Variants in RBM47 observed in about 807,000 individuals in gnomAD.
RBM47 encodes the protein RNA-binding protein 47.
In RBM47, 21 loss-of-function variants were observed where a neutral mutation model predicts 47.1. The ratio of observed to expected loss-of-function variants is 0.45; its 90% CI spans 0.32 to 0.64. The LOEUF is 0.64. Among genes scored for constraint, RBM47 ranks in the 30% least tolerant of loss-of-function variants. The pLI is 0.05. For missense variants in RBM47, 708 were observed against 870.9 expected (o/e 0.81, Z 2.35); for synonymous variants, 375 against 361.7 (o/e 1.04, Z -0.42).
chr4:40,531,091 T>A (rs1727343304), intron 2 of RBM47, among the ~76,000 whole-genome samples: 1 of 152,076 alleles, frequency 6.6e-6, no homozygotes, highest in Non-Finnish European at 1.5e-5. Flanking sequence ...AGAGTAAGAC[T>A]CTGGAATAAA....
chr4:40,516,742 G>T (rs1199776080), intron 2 of RBM47, among the ~76,000 whole-genome samples: 1 of 152,188 alleles, frequency 6.6e-6, no homozygotes, highest in African/African-American at 2.4e-5. Context: ...TGACAGCCCA[G>T]GATTTCCCTT....
intron 2 of RBM47, among the ~76,000 whole-genome samples, chr4:40,533,423 G>C (rs187853467): frequency 2.3e-3 from 312 of 138,652 alleles, no homozygotes; most frequent in African/African-American, 7.8e-3. Context: ...AACAGAGCAA[G>C]ACTCTGTCTC....
At chr4:40,592,123 A>T (rs1026814906) in intron 1 of RBM47, among the ~76,000 whole-genome samples, 1 of 152,206 alleles carries the variant, frequency 6.6e-6, no homozygotes, top group South Asian at 2.1e-4. Flanking sequence ...TCAGATTTCA[A>T]ATGCAGAATC....
At chr4:40,601,723 G>A (rs1459699539) in intron 1 of RBM47, among the ~76,000 whole-genome samples, 1 of 152,168 alleles carries the variant, frequency 6.6e-6, no homozygotes, top group African/African-American at 2.4e-5. Context: ...CACTCTTCCC[G>A]CACTGGCCTC....
chr4:40,620,194 T>TG (rs1350441723), intron 1 of RBM47, among the ~76,000 whole-genome samples: 1 of 70,808 alleles, frequency 1.4e-5, no homozygotes, highest in Non-Finnish European at 2.5e-5. Context: ...AGACTCAGTA[T>TG]GAAAAAAAAA....
rs759237817 is a variant in RBM47 at position 40,423,674 on chromosome 4, TTC to T, written c.*2228_*2229del. The T allele has an allele frequency of 9.7e-6, 1 of 102,738 alleles. No homozygotes were observed. The highest frequency in any genetic ancestry group is 3.3e-4 in the East Asian group (1 of 3,006). The allele number at this position is 102,738 out of a possible 1,614,324, so 6.4% of individuals were successfully genotyped here. ...TCTTTTTCTTTCTTTCTTTCTTTCT[TTC>T]TTTCTTTCTTTCTTTCTTTCTTTCT... On this transcript the variant is annotated 3_prime_UTR_variant, in exon 7 of 7. Transcript: ENST00000295971.
chr4:40,563,428 G>A (rs1730816885), intron 1 of RBM47, among the ~76,000 whole-genome samples: 1 of 105,622 alleles, frequency 9.5e-6, no homozygotes, highest in Admixed American at 8.3e-5. Context: ...CAAACTCTGT[G>A]CTTGTATTAT....
intron 3 of RBM47, among the ~76,000 whole-genome samples, chr4:40,464,561 C>T (rs576100611): frequency 1.1e-4 from 16 of 151,922 alleles, no homozygotes; most frequent in African/African-American, 3.1e-4. Context: ...TAACTGAAAC[C>T]GAGAAAAGTG....
rs761539130 is a variant in RBM47, at chr4:40,592,573, C to A, written c.-240+36823G>T. On this transcript the variant is annotated intron_variant, in intron 1 of 6. Coordinates refer to ENST00000295971, the MANE Select transcript of RBM47 (RefSeq NM_001098634.2). Reference sequence around the variant, plus strand: ...CCATGTAGCTAGGATTACAGGCATGCGACACCATGCACGCCGAATTTTGTA... The same window carrying A: ...CCATGTAGCTAGGATTACAGGCATGAGACACCATGCACGCCGAATTTTGTA... Among the ~76,000 whole-genome samples, 35 of 151,698 alleles carry A rather than the reference C, an allele frequency of 2.3e-4. 1 individual carries two copies. The highest frequency in any genetic ancestry group is 3.4e-3 in the Middle Eastern group (1 of 294).
chr4:40,538,703 C>A (rs925004037), intron 2 of RBM47, among the ~76,000 whole-genome samples: 2 of 152,010 alleles, frequency 1.3e-5, no homozygotes, highest in Admixed American at 6.6e-5. Flanking sequence ...GTGGCACAAT[C>A]TTGGTTCACT....
chr4:40,625,997 C>A lies in RBM47; in HGVS notation c.-240+3399G>T, dbSNP rs552158203. ...TTTTGATTTCTAAAATGACTCCACTCTAAAAGCTTTGATAGGGTGCACCAA... is the reference window on the plus strand; with the variant it reads ...TTTTGATTTCTAAAATGACTCCACTATAAAAGCTTTGATAGGGTGCACCAA... On this transcript the variant is annotated intron_variant, in intron 1 of 6. Transcript: ENST00000295971. Among the ~76,000 whole-genome samples, 235 of 152,278 alleles carry A rather than the reference C, an allele frequency of 1.5e-3. 2 individuals are homozygous for A. Among genetic ancestry groups the A allele is most frequent in the Middle Eastern group, 3.4e-3 (1 of 294 alleles).
intron 2 of RBM47, among the ~76,000 whole-genome samples, chr4:40,471,954 C>T (rs1379066552): frequency 6.6e-6 from 1 of 152,122 alleles, no homozygotes; most frequent in African/African-American, 2.4e-5. Context: ...TCCTGCAGCC[C>T]CCTGTGATAT....
intron 2 of RBM47, among the ~76,000 whole-genome samples, chr4:40,470,579 C>T (rs567130174): frequency 4.6e-5 from 7 of 152,258 alleles, no homozygotes; most frequent in Middle Eastern, 3.4e-3. Flanking sequence ...ACATAAAACA[C>T]TTGAAATTAA....
rs1164869040 is a variant in RBM47, at chr4:40,423,646, CTTTCTT to C, written c.*2252_*2257del. The stretch of plus-strand genomic sequence containing the variant: ...ATGTTATCATTTTTTTTTATTCTTT[CTTTCTT>C]TTTCTTTCTTTCTTTCTTTCTTTCT... On this transcript the variant is annotated 3_prime_UTR_variant, in exon 7 of 7. Transcript: ENST00000295971. 1 of 142,554 alleles carries C rather than the reference CTTTCTT, an allele frequency of 7.0e-6. No homozygotes were observed. Among genetic ancestry groups the C allele is most frequent in the Non-Finnish European group, 1.5e-5 (1 of 65,448 alleles). The allele number at this position is 142,554 out of a possible 1,614,324, so 8.8% of individuals were successfully genotyped here.
chr4:40,590,329 A>T (rs1236073928), intron 1 of RBM47, among the ~76,000 whole-genome samples: 2 of 151,934 alleles, frequency 1.3e-5, no homozygotes, highest in African/African-American at 2.4e-5. Context: ...CAGAAATTTG[A>T]GGTGACGGCA....
At chr4:40,617,452 G>C (rs930231182) in intron 1 of RBM47, among the ~76,000 whole-genome samples, 1 of 151,858 alleles carries the variant, frequency 6.6e-6, no homozygotes, top group Non-Finnish European at 1.5e-5. Flanking sequence ...TCAGCTACTC[G>C]GGAGGCTGAG....
At chr4:40,546,999 A>G (rs1729099885) in intron 1 of RBM47, among the ~76,000 whole-genome samples, 1 of 152,230 alleles carries the variant, frequency 6.6e-6, no homozygotes, top group African/African-American at 2.4e-5. Context: ...TGAATATGGT[A>G]CCAAGATCAA....
rs1451415960 is a variant in RBM47 at position 40,629,489 on chromosome 4, A to G, written c.-333T>C. The G allele has an allele frequency of 6.6e-6, 1 of 152,142 alleles. No homozygotes were observed. Among genetic ancestry groups the G allele is most frequent in the East Asian group, 1.9e-4 (1 of 5,194 alleles). 9.4% of individuals were successfully genotyped at this position (152,142 alleles called of 1,614,324 possible). On this transcript the variant is annotated 5_prime_UTR_variant, in exon 1 of 7. Transcript: ENST00000295971. ...TAACACAGCTAGGAAGTCACCTACA[A>G]CATCTTCTCGTCCGCCTTCTTTTTA... is the stretch of plus-strand genomic sequence containing the variant.
chr4:40,583,857 CAA>C (rs11357660), intron 1 of RBM47, among the ~76,000 whole-genome samples: 27,066 of 114,732 alleles, frequency 0.24, 3,361 homozygotes, highest in African/African-American at 0.37. Context: ...GACTCCGTCT[CAA>C]AAAAAAAAAA....
Sources: gnomAD v4.1 joint callset for allele counts (sites outside exome capture counted in the v4.1 genomes callset) on GRCh38, gnomAD v4.1.1 for gene constraint, MANE v1.5 for transcripts, NCBI Gene and HGNC (gene_info 2026-07-23, HGNC 2026-07-21) for gene names.